The following KHDC1 variants were observed in gnomAD, a reference collection of about 807,000 sequenced individuals.
KHDC1 encodes KH domain containing 1.
A neutral mutation model predicts 24.7 loss-of-function variants in KHDC1; 21 were observed. The ratio of observed to expected loss-of-function variants is 0.85; its 90% confidence interval spans 0.60 to 1.23. The LOEUF is 1.23. Among genes scored for constraint, KHDC1 ranks in the 50% most tolerant of loss-of-function variants. KHDC1 has a pLI of 0.00. For synonymous variants in KHDC1, 98 were observed against 111.7 expected, an observed-to-expected ratio of 0.88 and a Z score of 0.77; for missense variants, 274 against 298.5, an observed-to-expected ratio of 0.92 and a Z score of 0.61.
intron 2 of KHDC1, chr6:73,290,396 A>G: frequency 3.0e-6 from 1 of 330,280 alleles, no homozygotes; most frequent in Non-Finnish European, 5.9e-6. Context: ...CAATGTCCAG[A>G]GCCCTTGATG....
intron 1 of KHDC1, among the ~76,000 whole-genome samples, chr6:73,298,296 G>A (rs1328912997): frequency 6.6e-6 from 1 of 152,082 alleles, no homozygotes; most frequent in African/African-American, 2.4e-5. Context: ...ACAAATGCAA[G>A]GACAGGCTCA....
intron 2 of KHDC1, among the ~76,000 whole-genome samples, chr6:73,284,201 T>C (rs892713803): frequency 2.0e-5 from 3 of 152,166 alleles, no homozygotes; most frequent in East Asian, 1.9e-4. Flanking sequence ...TCTGCCAAAA[T>C]GTAGGCATAG....
rs78737961 is a variant in KHDC1, at chr6:73,308,811, T to C, written c.163+741A>G. 8.2e-4 allele frequency among the ~76,000 whole-genome samples: 124 copies of C among 152,054 alleles called. 1 individual carries two copies. In the East Asian group the frequency reaches 0.023, roughly 28 times the overall value. ...CACCCGGTAGAGTTTTTTGCTGTTG[T>C]TTTTTGTTGGTTTGTTTTTTGTTTT... On this transcript the variant is annotated intron_variant, in intron 1 of 4. Coordinates refer to ENST00000370384, the Ensembl canonical transcript of KHDC1.
At chr6:73,287,594 G>C (rs940640836) in intron 2 of KHDC1, among the ~76,000 whole-genome samples, 11 of 152,180 alleles carry the variant, frequency 7.2e-5, no homozygotes, top group African/African-American at 2.7e-4. Context: ...ACCTGGCAAT[G>C]CTATGGCAGT....
At chr6:73,283,641 CT>C (rs35786607) in intron 2 of KHDC1, among the ~76,000 whole-genome samples, 18,230 of 133,936 alleles carry the variant, frequency 0.14, 1,656 homozygotes, top group African/African-American at 0.28. Context: ...GGTTTTCATT[CT>C]TTTTTTTTTT....
At chr6:73,257,278 G>T (rs1054060313) in intron 2 of KHDC1, among the ~76,000 whole-genome samples, 9 of 152,144 alleles carry the variant, frequency 5.9e-5, no homozygotes, top group African/African-American at 2.2e-4. Flanking sequence ...GGGTGACAGG[G>T]TAGAGTTCGT....
intron 2 of KHDC1, among the ~76,000 whole-genome samples, chr6:73,252,813 C>A (rs947543864): frequency 6.7e-6 from 1 of 148,204 alleles, no homozygotes; most frequent in Non-Finnish European, 1.5e-5. Flanking sequence ...TGAGACTCTA[C>A]CTCAAAAAAA....
At chr6:73,258,175 A>C (rs1766914299) in intron 2 of KHDC1, among the ~76,000 whole-genome samples, 1 of 152,236 alleles carries the variant, frequency 6.6e-6, no homozygotes, top group South Asian at 2.1e-4. Flanking sequence ...GAATCACTTG[A>C]ATCCGGGAGG....
intron 2 of KHDC1, among the ~76,000 whole-genome samples, chr6:73,290,068 C>CCGCAGTG (rs1767615349): frequency 7.0e-6 from 1 of 142,852 alleles, no homozygotes. Flanking sequence ...CCACTGCAGT[C>CCGCAGTG]CGCAGTCCGG....
chr6:73,248,541 C>T (rs1223933192), intron 2 of KHDC1, among the ~76,000 whole-genome samples: 1 of 151,900 alleles, frequency 6.6e-6, no homozygotes, highest in African/African-American at 2.4e-5. Context: ...TCTTTTTGCC[C>T]AGAGGGAAAA....
At chr6:73,245,528 G>A (rs72493023) in intron 2 of KHDC1, among the ~76,000 whole-genome samples, 13,918 of 152,180 alleles carry the variant, frequency 0.091, 769 homozygotes, top group African/African-American at 0.17. Context: ...ACTGCATGGA[G>A]TAGCCTATGA....
chr6:73,290,936 A>G (rs1316250499), intron 2 of KHDC1: 4 of 358,482 alleles, frequency 1.1e-5, no homozygotes, highest in Non-Finnish European at 2.2e-5. Context: ...AATGTAGTGG[A>G]TGCTGGCCCA....
intron 2 of KHDC1, chr6:73,291,198 T>C: frequency 2.1e-6 from 1 of 470,714 alleles, no homozygotes; most frequent in South Asian, 1.6e-5. Context: ...TAGCCTACCA[T>C]GAATGACTGG....
chr6:73,284,904 G>A (rs926558701), intron 2 of KHDC1, among the ~76,000 whole-genome samples: 5 of 152,038 alleles, frequency 3.3e-5, no homozygotes, highest in Admixed American at 3.3e-4. Flanking sequence ...GAATGCAGTG[G>A]CGCAATCTCG....
intron 2 of KHDC1, 23 bp downstream of exon 1, chr6:73,262,751 G>T (rs1001768653): frequency 3.0e-6 from 3 of 985,384 alleles, no homozygotes; most frequent in African/African-American, 1.7e-5. Flanking sequence ...TAAGAAATGT[G>T]CAAGATCTAG....
At chr6:73,298,084 A>T (rs1767791837) in intron 1 of KHDC1, among the ~76,000 whole-genome samples, 2 of 152,058 alleles carry the variant, frequency 1.3e-5, no homozygotes, top group Non-Finnish European at 2.9e-5. Context: ...CCAGCTACTC[A>T]GGAGGCTGAG....
chr6:73,283,205 C>T (rs1406980530), intron 2 of KHDC1, among the ~76,000 whole-genome samples: 1 of 152,158 alleles, frequency 6.6e-6, no homozygotes, highest in Non-Finnish European at 1.5e-5. Context: ...GGGAGTTATG[C>T]TCCACCTCCA....
chr6:73,283,801 C>T (rs1767462612), intron 2 of KHDC1, among the ~76,000 whole-genome samples: 1 of 151,646 alleles, frequency 6.6e-6, no homozygotes, highest in African/African-American at 2.4e-5. Context: ...GTCTTGAACT[C>T]CTGACCTCAG....
chr6:73,278,169 G>T (rs1007699997), intron 2 of KHDC1, among the ~76,000 whole-genome samples: 2 of 147,362 alleles, frequency 1.4e-5, no homozygotes. Flanking sequence ...AAGCCACCAC[G>T]CCTGGCCAAT....
Sources: gnomAD v4.1 joint callset for allele counts (sites outside exome capture counted in the v4.1 genomes callset) on GRCh38, gnomAD v4.1.1 for gene constraint, MANE v1.5 for transcripts, NCBI Gene and HGNC (gene_info 2026-07-23, HGNC 2026-07-21) for gene names.